MAP3K19: variants seen among roughly 807,000 people sequenced by gnomAD.
The protein encoded by MAP3K19 is SPS1/STE20-related protein kinase YSK4.
MAP3K19 carries 91 observed loss-of-function variants against 114.4 expected under a neutral mutation model. That is an observed-to-expected ratio of 0.80 (90% confidence interval 0.67 to 0.95). The LOEUF is 0.95. Among genes scored for constraint, MAP3K19 ranks in the 40% least tolerant of loss-of-function variants. The probability of loss-of-function intolerance (pLI) is 0.00; values close to 1 mark genes in which losing one functional copy is unlikely to be tolerated. For missense variants in MAP3K19, 1,471 were observed against 1,573.2 expected (o/e 0.94, Z 1.10); for synonymous variants, 518 against 530.5 (o/e 0.98, Z 0.32).
At chr2:135,017,168 A>G (rs931622561) in intron 5 of MAP3K19, among the ~76,000 whole-genome samples, 1 of 152,234 alleles carries the variant, frequency 6.6e-6, no homozygotes. Context: ...GACTCTAAAA[A>G]TATGACTAGA....
intron 1 of MAP3K19, among the ~76,000 whole-genome samples, chr2:135,046,663 CT>C (rs1364282490): frequency 4.6e-5 from 7 of 152,170 alleles, no homozygotes; most frequent in Admixed American, 4.6e-4. Flanking sequence ...AAAACCCAGT[CT>C]TTTTTATTTT....
chr2:134,986,516 T>G lies in MAP3K19; in HGVS notation c.2356A>C (p.Met786Leu), dbSNP rs758499212. ...FLSSKDEIHP[M>L]NLAQTPEQSM... is the part of the protein sequence containing the mutation. ...TGCTCAGGTGTCTGAGCCAAGTTCA[T>G]GGGATGAATTTCATCTTTGGAAGAT... The change falls in exon 10 of 13, where the codon ATG (methionine) becomes CTG (leucine). Residue 786 changes from methionine (M) to leucine (L), a missense_variant. Met to Leu is a conservative substitution (Grantham distance 15). Coordinates refer to ENST00000392915, the MANE Select transcript of MAP3K19 (RefSeq NM_025052.5). The G allele has an allele frequency of 6.2e-7, 1 of 1,614,172 alleles. No individual in the cohort carries two copies. Among genetic ancestry groups the G allele is most frequent in the South Asian group, 1.1e-5 (1 of 91,050 alleles).
chr2:134,992,437 C>T (rs1685649788), intron 8 of MAP3K19, among the ~76,000 whole-genome samples: 1 of 152,176 alleles, frequency 6.6e-6, no homozygotes, highest in South Asian at 2.1e-4. Context: ...CCATGAACCA[C>T]CACCACCACC....
chr2:134,989,018 T>C (rs1213647299), intron 9 of MAP3K19, among the ~76,000 whole-genome samples: 1 of 152,210 alleles, frequency 6.6e-6, no homozygotes, highest in Non-Finnish European at 1.5e-5. Flanking sequence ...TCACCATCGT[T>C]TTGCTGAATT....
In MAP3K19 at chr2:134,997,047, TCAAACAAACCAA is replaced by T. The variant is rs1686044976; in HGVS notation, c.574+1679_574+1690del. 5.9e-5 allele frequency among the ~76,000 whole-genome samples: 9 copies of T among 152,048 alleles called. No individual in the cohort carries two copies. The South Asian group carries it at 1.9e-3, about 32-fold the overall frequency. ...CTGGGCAACACAGCCGGAATGTGTC[TCAAACAAACCAA>T]CAAACAAACAAACAAACAAAAAACA... is the stretch of plus-strand genomic sequence containing the variant. On this transcript the variant is annotated intron_variant, in intron 8 of 12. Coordinates refer to ENST00000392915, the MANE Select transcript of MAP3K19 (RefSeq NM_025052.5).
At chr2:135,046,565 C>A (rs1479560500) in intron 1 of MAP3K19, among the ~76,000 whole-genome samples, 1 of 152,186 alleles carries the variant, frequency 6.6e-6, no homozygotes, top group Non-Finnish European at 1.5e-5. Flanking sequence ...CATGAGCCAC[C>A]ATGCCCGCCC....
At chr2:135,016,351 A>G (rs1687585906) in intron 5 of MAP3K19, among the ~76,000 whole-genome samples, 1 of 152,230 alleles carries the variant, frequency 6.6e-6, no homozygotes, top group Admixed American at 6.5e-5. Context: ...ACTTTGTCAT[A>G]AATCAGGTAA....
Position 134,973,493 on chromosome 2 carries a change from T to A in MAP3K19, c.3920+7328A>T, listed in dbSNP as rs140868994. Among the ~76,000 whole-genome samples, 3 of 152,354 alleles carry A rather than the reference T, an allele frequency of 2.0e-5. No homozygotes were observed. In the East Asian group the frequency reaches 5.8e-4, roughly 29 times the overall value. ...ACTATCTTTTTCCATCCTTTCACTT[T>A]CAGTCTATATGTGTCTTTACAGGTA... is the stretch of plus-strand genomic sequence containing the variant. On this transcript the variant is annotated intron_variant, in intron 12 of 12. Transcript: ENST00000392915.
At chr2:135,008,495 C>A (rs1336306382) in intron 5 of MAP3K19, among the ~76,000 whole-genome samples, 1 of 152,134 alleles carries the variant, frequency 6.6e-6, no homozygotes, top group Non-Finnish European at 1.5e-5. Context: ...ATTTAAAATT[C>A]TTCACTCTTA....
intron 11 of MAP3K19, among the ~76,000 whole-genome samples, chr2:134,981,880 C>CTTTTTTTTT (rs567597251): frequency 7.2e-4 from 90 of 124,486 alleles, no homozygotes; most frequent in Non-Finnish European, 8.8e-4. Context: ...GATTTCTTTT[C>CTTTTTTTTT]TTTTTTTTTT....
chr2:134,990,517 G>T (rs1439236598), intron 9 of MAP3K19, among the ~76,000 whole-genome samples: 1 of 146,748 alleles, frequency 6.8e-6, no homozygotes, highest in Non-Finnish European at 1.5e-5. Flanking sequence ...TTGCTCTGTT[G>T]CCAGGCTGGA....
intron 12 of MAP3K19, among the ~76,000 whole-genome samples, chr2:134,967,431 G>A (rs570096242): frequency 5.3e-5 from 8 of 152,322 alleles, no homozygotes; most frequent in African/African-American, 1.9e-4. Flanking sequence ...CTGCCCGTGG[G>A]AACTGAATGT....
intron 5 of MAP3K19, among the ~76,000 whole-genome samples, chr2:135,013,734 T>C (rs903462440): frequency 6.6e-6 from 1 of 152,134 alleles, no homozygotes; most frequent in Non-Finnish European, 1.5e-5. Flanking sequence ...ATCTGTTCTG[T>C]TTCCCTCCTC....
intron 12 of MAP3K19, among the ~76,000 whole-genome samples, chr2:134,976,874 G>A (rs1003129333): frequency 1.3e-5 from 2 of 151,400 alleles, no homozygotes; most frequent in South Asian, 2.1e-4. Flanking sequence ...GTGAAACCCC[G>A]TCTCTACTAA....
intron 9 of MAP3K19, among the ~76,000 whole-genome samples, chr2:134,990,671 T>G (rs1236638843): frequency 1.3e-5 from 2 of 151,994 alleles, no homozygotes. Context: ...GAGACGGAGT[T>G]TCACCATGTT....
intron 12 of MAP3K19, among the ~76,000 whole-genome samples, chr2:134,968,160 G>T (rs182353112): frequency 3.3e-5 from 5 of 152,096 alleles, no homozygotes; most frequent in Non-Finnish European, 7.4e-5. Flanking sequence ...ATGTTTCAGA[G>T]AGCACAGGGT....
intron 11 of MAP3K19, chr2:134,983,313 T>C (rs759030317): frequency 1.8e-6 from 1 of 549,666 alleles, no homozygotes; most frequent in Non-Finnish European, 3.7e-6. Flanking sequence ...AAGATATTTC[T>C]TTCCCATTGG....
intron 12 of MAP3K19, among the ~76,000 whole-genome samples, chr2:134,976,604 C>G (rs1684250014): frequency 6.6e-6 from 1 of 152,148 alleles, no homozygotes; most frequent in Non-Finnish European, 1.5e-5. Context: ...CCAGATGTCT[C>G]TAGTCAGCCA....
chr2:135,006,558 C>A (rs1413877103), intron 5 of MAP3K19, among the ~76,000 whole-genome samples: 1 of 152,052 alleles, frequency 6.6e-6, no homozygotes, highest in African/African-American at 2.4e-5. Flanking sequence ...TCCTGTAATC[C>A]CAGCACTTTG....
Sources: gnomAD v4.1 joint callset for allele counts (sites outside exome capture counted in the v4.1 genomes callset) on GRCh38, gnomAD v4.1.1 for gene constraint, MANE v1.5 for transcripts, NCBI Gene and HGNC (gene_info 2026-07-23, HGNC 2026-07-21) for gene names.